Variants in ANXA7 observed in about 807,000 individuals in gnomAD.
ANXA7 encodes the protein annexin VII.
A neutral mutation model predicts 64.9 loss-of-function variants in ANXA7; 55 were observed. The observed-to-expected ratio is 0.85, with a 90% CI of 0.68 to 1.06. The LOEUF (loss-of-function observed/expected upper bound fraction) is 1.06. Ranked by LOEUF, ANXA7 falls within the 50% of genes least tolerant of loss-of-function variation. The pLI is 0.00. For synonymous variants in ANXA7, 200 were observed against 192.4 expected, an observed-to-expected ratio of 1.04 and a Z score of -0.33; for missense variants, 548 against 582.1, an observed-to-expected ratio of 0.94 and a Z score of 0.60.
intron 9 of ANXA7, among the ~76,000 whole-genome samples, chr10:73,381,038 TATA>T (rs1401674583): frequency 1.3e-5 from 2 of 151,746 alleles, no homozygotes; most frequent in Non-Finnish European, 2.9e-5. Flanking sequence ...TTCATCTGAG[TATA>T]ATATTTTTTT....
intron 1 of ANXA7, among the ~76,000 whole-genome samples, chr10:73,401,315 A>G (rs2055662146): frequency 6.6e-6 from 1 of 152,126 alleles, no homozygotes; most frequent in Admixed American, 6.5e-5. Context: ...TTCTCTTTTC[A>G]AAAGAGTCTG....
chr10:73,407,826 A>G (rs1229061745), intron 1 of ANXA7, among the ~76,000 whole-genome samples: 1 of 152,240 alleles, frequency 6.6e-6, no homozygotes, highest in Non-Finnish European at 1.5e-5. Flanking sequence ...TTGAGAATAA[A>G]CGGACATAGA....
Position 73,397,196 on chromosome 10 carries a change from T to C in ANXA7, c.338A>G (p.Tyr113Cys), listed in dbSNP as rs766363224. 3 of 1,611,594 alleles carry C rather than the reference T, an allele frequency of 1.9e-6. No homozygotes were observed. The highest frequency in any genetic ancestry group is 8.5e-7 in the Non-Finnish European group (1 of 1,178,510). The change falls in exon 4 of 13, where the codon TAT becomes TGT. Residue 113 changes from tyrosine (Y) to cysteine (C), a missense_variant. Tyr to Cys is a radical substitution (Grantham distance 194, BLOSUM62 -2). Coordinates refer to ENST00000372921, the MANE Select transcript of ANXA7 (RefSeq NM_001156.5). ...SGYPQPPSQS[Y>C]GGGPAQVPLP... is the part of the protein sequence containing the mutation. Reference sequence around the variant, plus strand: ...TGGAACCTGTGCTGGACCACCTCCATAAGACTGTGAAGGTGGCTGTGGATA... The same window carrying C: ...TGGAACCTGTGCTGGACCACCTCCACAAGACTGTGAAGGTGGCTGTGGATA...
At chr10:73,396,378 T>G (rs1337832421) in intron 5 of ANXA7, 141 bp downstream of exon 5, 1 of 668,444 alleles carries the variant, frequency 1.5e-6, no homozygotes, top group East Asian at 2.6e-5. Context: ...AAAGAAAGTA[T>G]GGAGTCTATC....
intron 2 of ANXA7, among the ~76,000 whole-genome samples, chr10:73,400,560 A>G (rs903297852): frequency 6.6e-6 from 1 of 152,192 alleles, no homozygotes; most frequent in Non-Finnish European, 1.5e-5. Flanking sequence ...TGGAGTATCT[A>G]GCAACGCTGA....
chr10:73,378,706 G>A (rs1286340047), intron 12 of ANXA7, among the ~76,000 whole-genome samples: 1 of 152,140 alleles, frequency 6.6e-6, no homozygotes, highest in Non-Finnish European at 1.5e-5. Flanking sequence ...ATCTTCATTA[G>A]GGTAGAGTGG....
rs1322303479 is a variant in ANXA7, at chr10:73,400,699, CT to C, written c.54+103del. 10 of 878,718 alleles carry C rather than the reference CT, an allele frequency of 1.1e-5. No homozygotes were observed. The African/African-American group carries it at 1.7e-4, about 15-fold the overall frequency. 54.4% of individuals were successfully genotyped at this position (878,718 alleles called of 1,614,324 possible). A position where few individuals can be genotyped will look rare whatever the true frequency, so the allele number is the denominator to read the frequency against. On this transcript the variant is annotated intron_variant, in intron 2 of 12. Transcript: ENST00000372921. ...ACTTCTACGTAGTACCTCTGAGCAT[CT>C]GAATTTATGACCCCTGCTCAAGCAT...
intron 1 of ANXA7, among the ~76,000 whole-genome samples, chr10:73,413,728 C>G (rs1194057152): frequency 6.6e-6 from 1 of 152,238 alleles, no homozygotes; most frequent in Non-Finnish European, 1.5e-5. Context: ...CGGCCTCAGC[C>G]CCTCCACCTG....
chr10:73,377,826 CGTGTGTGTGTGT>C (rs58404250), intron 12 of ANXA7, among the ~76,000 whole-genome samples: 2 of 122,518 alleles, frequency 1.6e-5, no homozygotes, highest in African/African-American at 3.1e-5. Context: ...TAGGTTTCAC[CGTGTGTGTGTGT>C]GTGTGTGTGT....
chr10:73,394,210 A>G (rs1449403186), intron 5 of ANXA7, among the ~76,000 whole-genome samples: 1 of 152,234 alleles, frequency 6.6e-6, no homozygotes, highest in Non-Finnish European at 1.5e-5. Flanking sequence ...GTCAGCAAAC[A>G]ACACGTGCTG....
chr10:73,379,766 T>C, intron 11 of ANXA7, 113 bp downstream of exon 11: 1 of 1,016,860 alleles, frequency 9.8e-7, no homozygotes, highest in South Asian at 1.4e-5. Context: ...TTAGATCAGC[T>C]ACTGCCTAAG....
intron 2 of ANXA7, among the ~76,000 whole-genome samples, chr10:73,399,503 T>C (rs1047060260): frequency 3.7e-4 from 57 of 152,180 alleles, no homozygotes; most frequent in African/African-American, 1.3e-3. Context: ...CAGGGTTAGA[T>C]AGCAGCCCCA....
At chr10:73,406,606 A>G (rs912753561) in intron 1 of ANXA7, among the ~76,000 whole-genome samples, 19 of 151,928 alleles carry the variant, frequency 1.3e-4, no homozygotes, top group African/African-American at 2.7e-4. Flanking sequence ...TTCTTGCTCT[A>G]TCGCCCAGGC....
At chr10:73,398,900 T>C (rs1374440339) in intron 2 of ANXA7, among the ~76,000 whole-genome samples, 2 of 152,156 alleles carry the variant, frequency 1.3e-5, no homozygotes, top group South Asian at 2.1e-4. Flanking sequence ...GTGGCAGAGA[T>C]TGTTGCATGT....
chr10:73,407,331 C>A (rs1456311694), intron 1 of ANXA7, among the ~76,000 whole-genome samples: 1 of 152,202 alleles, frequency 6.6e-6, no homozygotes, highest in Non-Finnish European at 1.5e-5. Flanking sequence ...CCTGCCTCAG[C>A]CTCCCAAAGT....
At chr10:73,386,248 T>C (rs2055367963) in intron 7 of ANXA7, among the ~76,000 whole-genome samples, 1 of 150,294 alleles carries the variant, frequency 6.7e-6, no homozygotes, top group Non-Finnish European at 1.5e-5. Context: ...AGCAGTGCTA[T>C]CCATGTTTTC....
At chr10:73,393,943 T>C (rs1210912281) in intron 5 of ANXA7, among the ~76,000 whole-genome samples, 2 of 152,182 alleles carry the variant, frequency 1.3e-5, no homozygotes, top group African/African-American at 2.4e-5. Flanking sequence ...TGGGAGAACA[T>C]TTTTGCAATC....
chr10:73,399,316 T>C (rs2055623420), intron 2 of ANXA7, among the ~76,000 whole-genome samples: 1 of 152,226 alleles, frequency 6.6e-6, no homozygotes, highest in Non-Finnish European at 1.5e-5. Flanking sequence ...TTGTCTGTTT[T>C]AGCAATTAGC....
intron 5 of ANXA7, 53 bp downstream of exon 5, chr10:73,396,466 T>C (rs576722867): frequency 2.2e-6 from 3 of 1,357,100 alleles, no homozygotes; most frequent in African/African-American, 2.9e-5. Flanking sequence ...AAAGGATAGG[T>C]TCCTTCTTTA....
Sources: allele counts gnomAD v4.1 joint callset (sites outside exome capture counted in the v4.1 genomes callset), GRCh38; gene constraint gnomAD v4.1.1; transcripts MANE v1.5; gene names NCBI Gene and HGNC (gene_info 2026-07-23, HGNC 2026-07-21).